The following SUMO2 variants were observed in gnomAD, a reference collection of about 807,000 sequenced individuals.
SUMO2 encodes the protein small ubiquitin-related modifier 2.
A neutral mutation model predicts 16.0 loss-of-function variants in SUMO2; 1 was observed. That is an observed-to-expected ratio of 0.06 (90% confidence interval 0.02 to 0.30). The LOEUF (loss-of-function observed/expected upper bound fraction) is 0.30, where lower values mean the gene tolerates loss of function less well. Among genes scored for constraint, SUMO2 ranks in the 10% least tolerant of loss-of-function variants. The probability of loss-of-function intolerance (pLI) is 1.00; values close to 1 mark genes in which losing one functional copy is unlikely to be tolerated. For synonymous variants in SUMO2, 36 were observed against 40.6 expected, an observed-to-expected ratio of 0.89 and a Z score of 0.43; for missense variants, 16 against 117.5, an observed-to-expected ratio of 0.14 and a Z score of 3.99.
chr17:75,174,210 T>C (rs1015442658), intron 3 of SUMO2, among the ~76,000 whole-genome samples: 1 of 151,024 alleles, frequency 6.6e-6, no homozygotes, highest in Non-Finnish European at 1.5e-5. Context: ...GCCAACATGG[T>C]GAAACCCCAT....
chr17:75,182,660 G>A (rs1035860868), intron 1 of SUMO2, 154 bp downstream of exon 1: 8 of 510,970 alleles, frequency 1.6e-5, no homozygotes, highest in Non-Finnish European at 2.0e-5. Flanking sequence ...GAGGGAGGGA[G>A]GAAAATGGCG....
intron 2 of SUMO2, among the ~76,000 whole-genome samples, chr17:75,179,986 T>C (rs2074814349): frequency 6.6e-6 from 1 of 152,102 alleles, no homozygotes; most frequent in Admixed American, 6.6e-5. Context: ...AAGTATAAAC[T>C]CAAACTCAAT....
At chr17:75,180,962 G>A (rs1598229750) in intron 2 of SUMO2, 95 bp downstream of exon 2, 10 of 1,457,444 alleles carry the variant, frequency 6.9e-6, no homozygotes, top group South Asian at 1.2e-5. Context: ...CCATCAAAAA[G>A]TCACTGTAAT....
In SUMO2 at chr17:75,177,105, T is replaced by C. The variant is rs569784949; in HGVS notation, c.154-2282A>G. 4.7e-5 allele frequency among the ~76,000 whole-genome samples: 7 copies of C among 150,258 alleles called. No individual in the cohort carries two copies. The South Asian group carries it at 1.3e-3, about 27-fold the overall frequency. ...CGGAGGTTGAGGGGGGAAAATTGCA[T>C]GAACCCGGGAGGTGGAGGTTGCAAT... On this transcript the variant is annotated intron_variant, in intron 2 of 3. Transcript: ENST00000420826.
At chr17:75,179,697 T>C (rs938509345) in intron 2 of SUMO2, among the ~76,000 whole-genome samples, 2 of 151,676 alleles carry the variant, frequency 1.3e-5, no homozygotes, top group Non-Finnish European at 2.9e-5. Flanking sequence ...TCTCGCTCTG[T>C]CACCCAGGCT....
intron 2 of SUMO2, among the ~76,000 whole-genome samples, chr17:75,178,911 C>A (rs2074805276): frequency 6.6e-6 from 1 of 151,364 alleles, no homozygotes; most frequent in Non-Finnish European, 1.5e-5. Flanking sequence ...GCCGAGATTG[C>A]GCCACTGCAC....
At chr17:75,181,458 T>C (rs2074828106) in intron 1 of SUMO2, among the ~76,000 whole-genome samples, 1 of 152,204 alleles carries the variant, frequency 6.6e-6, no homozygotes, top group South Asian at 2.1e-4. Context: ...ATTCAGTGTA[T>C]TGCAACGTTC....
Position 75,178,163 on chromosome 17 carries a change from CA to C in SUMO2, c.153+2893del, listed in dbSNP as rs533287480. ...TGGGCAACAGGGCAAAAGCCTGTCTCAAAAAAAAAAAGGCAAAATTTTGCAA... is the reference window on the plus strand; with the variant it reads ...TGGGCAACAGGGCAAAAGCCTGTCTCAAAAAAAAAAGGCAAAATTTTGCAA... On this transcript the variant is annotated intron_variant, in intron 2 of 3. Coordinates refer to ENST00000420826, the MANE Select transcript of SUMO2 (RefSeq NM_006937.4). Among the ~76,000 whole-genome samples the C allele has an allele frequency of 2.6e-3, 355 of 134,170 alleles. 1 individual carries two copies. Among genetic ancestry groups the C allele is most frequent in the South Asian group, 0.024 (103 of 4,270 alleles). The allele number at this position is 134,170 out of a possible 152,430, so 88.0% of individuals were successfully genotyped here.
At chr17:75,168,747 C>T (rs914951128) in intron 3 of SUMO2, among the ~76,000 whole-genome samples, 7 of 152,020 alleles carry the variant, frequency 4.6e-5, no homozygotes, top group South Asian at 2.1e-4. Context: ...AGATTACAGG[C>T]ATCCGCCACC....
intron 2 of SUMO2, among the ~76,000 whole-genome samples, chr17:75,178,112 C>A (rs1436320723): frequency 1.3e-5 from 2 of 149,926 alleles, no homozygotes; most frequent in African/African-American, 4.9e-5. Context: ...GAGCCATGAT[C>A]ATAATCCTCC....
chr17:75,167,767 C>T lies in SUMO2; in HGVS notation c.*572G>A, dbSNP rs369106782. On this transcript the variant is annotated 3_prime_UTR_variant, in exon 4 of 4. Transcript: ENST00000420826. ...AGAAGTTTATTTAAACAACAAGACG[C>T]TTGACTTGAAGGGAAAACTATCTAG... 1 of 154,260 alleles carries T rather than the reference C, an allele frequency of 6.5e-6. No homozygotes were observed. The highest frequency in any genetic ancestry group is 1.5e-5 in the Non-Finnish European group (1 of 68,018). The allele number at this position is 154,260 out of a possible 1,614,324, so 9.6% of individuals were successfully genotyped here. A position where few individuals can be genotyped will look rare whatever the true frequency, so the allele number is the denominator to read the frequency against.
chr17:75,180,653 T>G (rs1304303517), intron 2 of SUMO2, among the ~76,000 whole-genome samples: 1 of 151,942 alleles, frequency 6.6e-6, no homozygotes, highest in African/African-American at 2.4e-5. Flanking sequence ...GAGGTTGCAG[T>G]GAGCTGAGCT....
intron 1 of SUMO2, chr17:75,182,574 C>T (rs985969688): frequency 1.0e-5 from 3 of 296,186 alleles, no homozygotes; most frequent in Non-Finnish European, 1.2e-5. Flanking sequence ...GCCCAACTCG[C>T]GCCCGGCGCG....
chr17:75,175,708 C>T (rs2074777231), intron 2 of SUMO2, among the ~76,000 whole-genome samples: 1 of 152,114 alleles, frequency 6.6e-6, no homozygotes, highest in East Asian at 1.9e-4. Flanking sequence ...TCTTGGCTCA[C>T]TGCAACCTCC....
chr17:75,170,085 G>C (rs1044110976), intron 3 of SUMO2, among the ~76,000 whole-genome samples: 1 of 152,006 alleles, frequency 6.6e-6, no homozygotes, highest in Non-Finnish European at 1.5e-5. Flanking sequence ...GCTGAGGCAG[G>C]AGAATCACTT....
intron 2 of SUMO2, among the ~76,000 whole-genome samples, chr17:75,175,033 G>A (rs1302962952): frequency 6.6e-6 from 1 of 152,114 alleles, no homozygotes; most frequent in Non-Finnish European, 1.5e-5. Context: ...CAAGGCTGAA[G>A]TGCAGTGGCG....
At chr17:75,172,007 G>A (rs919866903) in intron 3 of SUMO2, among the ~76,000 whole-genome samples, 3 of 148,440 alleles carry the variant, frequency 2.0e-5, no homozygotes, top group Admixed American at 6.8e-5. Flanking sequence ...TACCATAATT[G>A]CGCCTTTTTT....
chr17:75,180,916 G>T, intron 2 of SUMO2, 141 bp downstream of exon 2: 1 of 892,998 alleles, frequency 1.1e-6, no homozygotes, highest in Non-Finnish European at 1.7e-6. Context: ...TATACCAAGT[G>T]CACGACAAAA....
At chr17:75,180,196 C>T (rs116564002) in intron 2 of SUMO2, among the ~76,000 whole-genome samples, 2,597 of 151,144 alleles carry the variant, frequency 0.017, 74 homozygotes, top group African/African-American at 0.06. Flanking sequence ...CGCCTGAAAT[C>T]CCAGGTACTC....
Sources: gnomAD v4.1 joint callset for allele counts (sites outside exome capture counted in the v4.1 genomes callset) on GRCh38, gnomAD v4.1.1 for gene constraint, MANE v1.5 for transcripts, NCBI Gene and HGNC (gene_info 2026-07-23, HGNC 2026-07-21) for gene names.